Variants in ZNF704 observed in about 807,000 individuals in gnomAD.
ZNF704 encodes glucocorticoid induced gene 1.
In ZNF704, 10 loss-of-function variants were observed where a neutral mutation model predicts 44.7. That is an observed-to-expected ratio of 0.22 (90% CI 0.14 to 0.38). The LOEUF (loss-of-function observed/expected upper bound fraction) is 0.38, where lower values mean the gene tolerates loss of function less well. Ranked by LOEUF, ZNF704 falls within the 10% of genes least tolerant of loss-of-function variation. ZNF704 has a pLI of 1.00. For synonymous variants in ZNF704, 211 were observed against 207.6 expected, an observed-to-expected ratio of 1.02 and a Z score of -0.14; for missense variants, 390 against 545.5, an observed-to-expected ratio of 0.71 and a Z score of 2.84.
intron 2 of ZNF704, among the ~76,000 whole-genome samples, chr8:80,813,302 T>C (rs1177583854): frequency 1.3e-5 from 2 of 152,226 alleles, no homozygotes; most frequent in Admixed American, 1.3e-4. Flanking sequence ...CCTTCATTAA[T>C]GGCAGTGACA....
intron 2 of ZNF704, among the ~76,000 whole-genome samples, chr8:80,813,354 T>C (rs771784823): frequency 7.9e-5 from 12 of 152,258 alleles, no homozygotes; most frequent in Non-Finnish European, 1.3e-4. Flanking sequence ...ATCAGAATTC[T>C]AAATTCACAA....
At chr8:80,683,786 A>G (rs984370543) in intron 4 of ZNF704, among the ~76,000 whole-genome samples, 1 of 152,246 alleles carries the variant, frequency 6.6e-6, no homozygotes, top group Non-Finnish European at 1.5e-5. Context: ...TACTGATAGT[A>G]AGAGAGAATG....
intron 4 of ZNF704, among the ~76,000 whole-genome samples, chr8:80,680,524 C>G (rs1394872798): frequency 1.3e-5 from 2 of 152,104 alleles, no homozygotes; most frequent in Non-Finnish European, 2.9e-5. Context: ...ATTATACAAA[C>G]TTCCTCTGCC....
rs533663249 is a variant in ZNF704, at chr8:80,693,017, G to A, written c.312C>T (p.Pro104=). 2.1e-4 allele frequency: 345 copies of A among 1,614,122 alleles called. 1 individual carries two copies. In the South Asian group the frequency reaches 2.7e-3, roughly 13 times the overall value. The change falls in exon 3 of 9, where the codon CCC becomes CCT. Residue 104 remains proline (P), a synonymous_variant. Coordinates refer to ENST00000327835, the MANE Select transcript of ZNF704 (RefSeq NM_001033723.3). ...LSTSPLVRSP[P]VRPNESLSGS... ...TCCTGGGCTTACCGTTCGGCCGCACGGGAGGACTTCGAACCAAAGGGCTAG... is the reference window on the plus strand; with the variant it reads ...TCCTGGGCTTACCGTTCGGCCGCACAGGAGGACTTCGAACCAAAGGGCTAG...
At chr8:80,778,693 AAT>A (rs1211412084) in intron 2 of ZNF704, among the ~76,000 whole-genome samples, 2 of 152,066 alleles carry the variant, frequency 1.3e-5, no homozygotes, top group Non-Finnish European at 2.9e-5. Context: ...AGAATGAGAT[AAT>A]GTCTTTTGCA....
In ZNF704 at chr8:80,628,749, A is replaced by T. The variant is rs1053384286; in HGVS notation, c.*12617T>A. The T allele has an allele frequency of 4.6e-5, 7 of 152,346 alleles. No individual in the cohort carries two copies. Among genetic ancestry groups the T allele is most frequent in the African/African-American group, 1.4e-4 (6 of 41,590 alleles). The allele number at this position is 152,346 out of a possible 1,614,324, so 9.4% of individuals were successfully genotyped here. A position where few individuals can be genotyped will look rare whatever the true frequency, so the allele number is the denominator to read the frequency against. On this transcript the variant is annotated 3_prime_UTR_variant, in exon 9 of 9. Coordinates refer to ENST00000327835, the MANE Select transcript of ZNF704 (RefSeq NM_001033723.3). ...GAAGACGATTACTAAAGTGATTCTG[A>T]CTATAAGCCTTTTCTTCTACTTAAA...
intron 2 of ZNF704, among the ~76,000 whole-genome samples, chr8:80,750,629 C>A (rs1287282698): frequency 1.3e-5 from 2 of 152,002 alleles, no homozygotes; most frequent in Non-Finnish European, 2.9e-5. Context: ...CATTCTCCTG[C>A]CTCAGCCTCC....
chr8:80,676,714 G>A (rs954932358), intron 4 of ZNF704, among the ~76,000 whole-genome samples: 9 of 152,220 alleles, frequency 5.9e-5, no homozygotes, highest in Admixed American at 1.3e-4. Context: ...TTCATGGAAG[G>A]CAATTTTTCC....
At chr8:80,823,587 C>T (rs372348946) in intron 1 of ZNF704, among the ~76,000 whole-genome samples, 3 of 152,210 alleles carry the variant, frequency 2.0e-5, no homozygotes, top group Non-Finnish European at 2.9e-5. Context: ...GCTCCCAGCA[C>T]GGAGTGTGAG....
At chr8:80,706,968 G>GA (rs553758021) in intron 2 of ZNF704, among the ~76,000 whole-genome samples, 4 of 151,942 alleles carry the variant, frequency 2.6e-5, no homozygotes, top group Middle Eastern at 3.4e-3. Flanking sequence ...GTTTTAAAGA[G>GA]AAAAAAAATT....
At chr8:80,820,778 T>C (rs1465095149) in intron 2 of ZNF704, among the ~76,000 whole-genome samples, 2 of 152,168 alleles carry the variant, frequency 1.3e-5, no homozygotes, top group Non-Finnish European at 2.9e-5. Context: ...TGCATATGCC[T>C]GTAGTCCCAG....
intron 2 of ZNF704, among the ~76,000 whole-genome samples, chr8:80,819,726 T>G (rs1319454676): frequency 6.6e-6 from 1 of 152,124 alleles, no homozygotes; most frequent in East Asian, 1.9e-4. Flanking sequence ...AACATGTATT[T>G]ATACGAAAAA....
Position 80,637,425 on chromosome 8 carries a change from C to G in ZNF704, c.*3941G>C, listed in dbSNP as rs1817679710. 2.6e-5 allele frequency: 4 copies of G among 152,184 alleles called. No individual in the cohort carries two copies. 9.4% of individuals were successfully genotyped at this position (152,184 alleles called of 1,614,324 possible). A position where few individuals can be genotyped will look rare whatever the true frequency, so the allele number is the denominator to read the frequency against. On this transcript the variant is annotated 3_prime_UTR_variant, in exon 9 of 9. Coordinates refer to ENST00000327835, the MANE Select transcript of ZNF704 (RefSeq NM_001033723.3). Reference sequence around the variant, plus strand: ...TCAACCTTTGCAAGTGAATGCTGCACTTTGGAGTCTGATGAAGGGGGAACA... The same window carrying G: ...TCAACCTTTGCAAGTGAATGCTGCAGTTTGGAGTCTGATGAAGGGGGAACA...
chr8:80,805,723 T>A (rs991555994), intron 2 of ZNF704, among the ~76,000 whole-genome samples: 4 of 152,318 alleles, frequency 2.6e-5, no homozygotes, highest in African/African-American at 9.6e-5. Context: ...TTTTCCAAGA[T>A]TGATCATAAT....
intron 1 of ZNF704, among the ~76,000 whole-genome samples, chr8:80,832,707 A>G (rs1048329249): frequency 6.6e-6 from 1 of 152,192 alleles, no homozygotes; most frequent in Non-Finnish European, 1.5e-5. Flanking sequence ...CATGAAATTT[A>G]GGCCACAGCA....
At chr8:80,747,420 T>C (rs1253822364) in intron 2 of ZNF704, among the ~76,000 whole-genome samples, 1 of 152,216 alleles carries the variant, frequency 6.6e-6, no homozygotes, top group Non-Finnish European at 1.5e-5. Context: ...GGAAGACTTT[T>C]GATTTGCATT....
intron 2 of ZNF704, among the ~76,000 whole-genome samples, chr8:80,702,428 G>A (rs1026104256): frequency 1.3e-5 from 2 of 152,204 alleles, no homozygotes; most frequent in Non-Finnish European, 2.9e-5. Context: ...TGTTGTGATG[G>A]TCACTGGAGA....
chr8:80,857,714 G>A (rs531777154), intron 1 of ZNF704, among the ~76,000 whole-genome samples: 1 of 152,202 alleles, frequency 6.6e-6, no homozygotes, highest in East Asian at 1.9e-4. Flanking sequence ...TAATGTCAAG[G>A]CTATGCTGGT....
At chr8:80,763,119 C>A (rs763929969) in intron 2 of ZNF704, among the ~76,000 whole-genome samples, 1 of 152,186 alleles carries the variant, frequency 6.6e-6, no homozygotes, top group Admixed American at 6.5e-5. Flanking sequence ...GTGTCTGCAG[C>A]TTTTCTAGGT....
Sources: gnomAD v4.1 joint callset for allele counts (sites outside exome capture counted in the v4.1 genomes callset) on GRCh38, gnomAD v4.1.1 for gene constraint, MANE v1.5 for transcripts, NCBI Gene and HGNC (gene_info 2026-07-23, HGNC 2026-07-21) for gene names.